Variants in ANK1 observed in about 807,000 individuals in gnomAD.
ANK1 encodes the protein ankyrin-1.
ANK1 carries 51 observed loss-of-function variants against 210.4 expected under a neutral mutation model. The ratio of observed to expected loss-of-function variants is 0.24; its 90% CI spans 0.19 to 0.31. The LOEUF is 0.31. Ranked by LOEUF, ANK1 falls within the 10% of genes least tolerant of loss-of-function variation. The pLI, the probability that ANK1 is intolerant of heterozygous loss-of-function variation, is 1.00. For synonymous variants in ANK1, 967 were observed against 1,025.9 expected, an observed-to-expected ratio of 0.94 and a Z score of 1.10; for missense variants, 2,051 against 2,504.4, an observed-to-expected ratio of 0.82 and a Z score of 3.86.
intron 16 of ANK1, among the ~76,000 whole-genome samples, chr8:41,711,857 TA>T (rs1211679078): frequency 6.6e-6 from 1 of 152,166 alleles, no homozygotes; most frequent in Non-Finnish European, 1.5e-5. Flanking sequence ...TGGCTCAGAG[TA>T]AACCTCCAAA....
At position 41,719,748 on chromosome 8, in the gene ANK1, G is replaced by T; in HGVS notation, c.1020C>A (p.Thr340=). The T allele has an allele frequency of 6.2e-7, 1 of 1,614,232 alleles. No individual in the cohort carries two copies. The highest frequency in any genetic ancestry group is 8.5e-7 in the Non-Finnish European group (1 of 1,180,030). ...EIDDITLDHL[T]PLHVAAHCGH... Reference sequence around the variant, plus strand: ...CACAGTGGGCAGCCACGTGGAGTGGGGTCAGGTGGTCCAGGGTGATGTCGT... The same window carrying T: ...CACAGTGGGCAGCCACGTGGAGTGGTGTCAGGTGGTCCAGGGTGATGTCGT... Residue 340 remains threonine, a synonymous_variant, in exon 10 of 43, where the codon ACC becomes ACA. Transcript: ENST00000289734.
Position 41,694,960 on chromosome 8 carries a change from C to A in ANK1, c.3116-157G>T, listed in dbSNP as rs571387176. ...CCAGAAGAAGTGGCCAGAAGAAGTG[C>A]CCAGGCCCAGAGGCCCAGCAGAGCA... On this transcript the variant is annotated intron_variant, in intron 27 of 42. Transcript: ENST00000289734. This position sits in a 1 kb window ranked among gnomAD's most constrained non-coding sequence, Gnocchi z 5.7. Among the ~76,000 whole-genome samples, 1 of 152,256 alleles carries A rather than the reference C, an allele frequency of 6.6e-6. No individual in the cohort carries two copies. The highest frequency in any genetic ancestry group is 6.5e-5 in the Admixed American group (1 of 15,306).
At chr8:41,699,204 G>A (rs1821964177) in intron 23 of ANK1, among the ~76,000 whole-genome samples, 2 of 152,134 alleles carry the variant, frequency 1.3e-5, no homozygotes, top group South Asian at 2.1e-4. Flanking sequence ...GGGAGCCTGG[G>A]TGGGAGAGGA....
intron 1 of ANK1, among the ~76,000 whole-genome samples, chr8:41,785,814 C>T (rs1051034533): frequency 2.0e-5 from 3 of 152,204 alleles, no homozygotes; most frequent in African/African-American, 7.2e-5. Context: ...CATTGCTCCT[C>T]GGTGCTTTCC....
At chr8:41,741,414 C>A (rs1834766340) in intron 2 of ANK1, among the ~76,000 whole-genome samples, 1 of 152,040 alleles carries the variant, frequency 6.6e-6, no homozygotes, top group Non-Finnish European at 1.5e-5. Context: ...CACACTTGGC[C>A]TTCAAGAACT....
At chr8:41,805,045 G>A (rs1220262515) in intron 1 of ANK1, among the ~76,000 whole-genome samples, 2 of 150,606 alleles carry the variant, frequency 1.3e-5, no homozygotes, top group African/African-American at 4.9e-5. Flanking sequence ...ATCCCATAGA[G>A]CTGTTTCTTT....
In ANK1 at chr8:41,776,501, A is replaced by G. The variant is rs77970776; in HGVS notation, c.28-18364T>C. Among the ~76,000 whole-genome samples the G allele has an allele frequency of 8.2e-3, 1,246 of 152,330 alleles. 26 individuals carry two copies. The highest frequency in any genetic ancestry group is 0.028 in the African/African-American group (1,179 of 41,572). ...ATTGCACACTTCTGAACCAAGAGAA[A>G]GAAGCTCCAGGGAGCTGGTGCTACG... On this transcript the variant is annotated intron_variant, in intron 1 of 42. Transcript: ENST00000289734.
In ANK1 at chr8:41,754,020, T is replaced by C. The variant is rs1318760419; in HGVS notation, c.129+4016A>G. On this transcript the variant is annotated intron_variant, in intron 2 of 42. Transcript: ENST00000289734. Reference sequence around the variant, plus strand: ...TCTCTGACCTCTGACTCTAGGGCAGTCCTCTCATATACTCTCTGCCTTCCA... The same window carrying C: ...TCTCTGACCTCTGACTCTAGGGCAGCCCTCTCATATACTCTCTGCCTTCCA... Among the ~76,000 whole-genome samples, 3 of 152,224 alleles carry C rather than the reference T, an allele frequency of 2.0e-5. No individual in the cohort carries two copies. In the East Asian group the frequency reaches 5.8e-4, roughly 29 times the overall value.
Position 41,706,250 on chromosome 8 carries a change from A to G in ANK1, c.1999-9T>C. ...AGGGGAGTGAGTCCGCTCTGCAAAG[A>G]AAAAGACGTTCATCACCTTCTATCA... On this transcript the variant is annotated splice_polypyrimidine_tract_variant and intron_variant, in intron 17 of 42. Coordinates refer to ENST00000289734, the MANE Select transcript of ANK1 (RefSeq NM_000037.4). 2 of 1,612,482 alleles carry G rather than the reference A, an allele frequency of 1.2e-6. No individual in the cohort carries two copies. The highest frequency in any genetic ancestry group is 1.7e-6 in the Non-Finnish European group (2 of 1,178,888).
chr8:41,682,107 A>G (rs781145677), intron 37 of ANK1, among the ~76,000 whole-genome samples: 71 of 152,132 alleles, frequency 4.7e-4, no homozygotes, highest in Admixed American at 8.5e-4. Flanking sequence ...GTCAAACCCA[A>G]TGTCCTCATG....
intron 2 of ANK1, among the ~76,000 whole-genome samples, chr8:41,749,295 CTTT>C (rs35569972): frequency 1.7e-5 from 2 of 115,428 alleles, no homozygotes. Context: ...TCATCTTGGA[CTTT>C]TTTTTTTTTT....
chr8:41,699,585 A>T (rs777836199), intron 22 of ANK1, 37 bp from the exon 23 acceptor site: 75 of 1,585,628 alleles, frequency 4.7e-5, no homozygotes, highest in Non-Finnish European at 6.3e-5. Context: ...GACGGGGTAG[A>T]GGAAGAAGAG....
chr8:41,850,539 G>A (rs1811049192), intron 1 of ANK1, among the ~76,000 whole-genome samples: 1 of 152,188 alleles, frequency 6.6e-6, no homozygotes, highest in South Asian at 2.1e-4. Flanking sequence ...GGAATGCAGT[G>A]GTGCAATCAT....
In ANK1 at chr8:41,719,687, C is replaced by T; in HGVS notation, c.1081G>A (p.Gly361Arg). ...HRVAKVLLDKGAKPNSRALNG... is the reference protein window; with the variant it reads ...HRVAKVLLDKRAKPNSRALNG... ...AGGGCTCTGGAGTTGGGTTTGGCCC[C>T]TTTATCCAGAAGGACCTTAGCCACC... Residue 361 changes from glycine to arginine, a missense_variant, in exon 10 of 43, where the codon GGG (glycine) becomes AGG (arginine). Around this residue, in one of 6 missense-constraint regions of ANK1, gnomAD observed 1,413 missense variants for 1,707.4 expected, o/e 0.83. Transcript: ENST00000289734. The T allele has an allele frequency of 6.2e-7, 1 of 1,614,216 alleles. No individual in the cohort carries two copies. The highest frequency in any genetic ancestry group is 2.2e-5 in the East Asian group (1 of 44,890).
At chr8:41,799,084 G>A (rs1347583252), upstream of ANK1, among the ~76,000 whole-genome samples, 1 of 152,220 alleles carries the variant, frequency 6.6e-6, no homozygotes, top group African/African-American at 2.4e-5. Flanking sequence ...ATGTGGGCTA[G>A]AAGGAACCGC....
At chr8:41,871,779 T>C (rs1392846628) in intron 1 of ANK1, among the ~76,000 whole-genome samples, 3 of 152,234 alleles carry the variant, frequency 2.0e-5, no homozygotes, top group Non-Finnish European at 4.4e-5. Flanking sequence ...TAAGACGCCA[T>C]GCATCTCAGC....
At chr8:41,723,463 G>A (rs1424312972) in intron 8 of ANK1, 72 bp downstream of exon 8, 16 of 1,550,334 alleles carry the variant, frequency 1.0e-5, no homozygotes, top group Admixed American at 5.0e-5. Context: ...CCAAGGGCCC[G>A]CTGCTCTGGG....
chr8:41,707,188 G>A (rs1824829077), intron 17 of ANK1, among the ~76,000 whole-genome samples: 1 of 152,264 alleles, frequency 6.6e-6, no homozygotes, highest in South Asian at 2.1e-4. Context: ...CGCCAGGATT[G>A]AACGGACCAT....
chr8:41,663,779 G>A (rs1446318682), intron 39 of ANK1, 37 bp from the exon 40 acceptor site: 1 of 1,536,160 alleles, frequency 6.5e-7, no homozygotes, highest in East Asian at 2.2e-5. Flanking sequence ...CAAGATTGGT[G>A]AGTGGGAGTC....
Sources: gnomAD v4.1 joint callset for allele counts (sites outside exome capture counted in the v4.1 genomes callset) on GRCh38, gnomAD v4.1.1 for gene constraint, gnomAD v4.1.1 regional missense constraint, Gnocchi (gnomAD v3.1) non-coding constraint, MANE v1.5 for transcripts, NCBI Gene and HGNC (gene_info 2026-07-23, HGNC 2026-07-21) for gene names.